NBR1: variants seen among roughly 807,000 people sequenced by gnomAD.
NBR1 encodes the protein NBR1 autophagy cargo receptor, also known as next to BRCA1 gene 1 protein.
NBR1 carries 59 observed loss-of-function variants against 115.5 expected under a neutral mutation model. The ratio of observed to expected loss-of-function variants is 0.51; its 90% CI spans 0.41 to 0.63. The LOEUF (loss-of-function observed/expected upper bound fraction) is 0.63. NBR1 is among the 30% of genes least tolerant of loss of function. NBR1 has a pLI of 0.00. For synonymous variants in NBR1, 373 were observed against 414.7 expected (o/e 0.90, Z 1.22); for missense variants, 1,043 against 1,150.5 (o/e 0.91, Z 1.35).
At chr17:43,174,070 T>A (rs11650132) in intron 1 of NBR1, among the ~76,000 whole-genome samples, 1 of 152,116 alleles carries the variant, frequency 6.6e-6, no homozygotes, top group African/African-American at 2.4e-5. Context: ...TAATGATATC[T>A]AGACTGTTTT....
chr17:43,196,719 T>C (rs182385394), intron 15 of NBR1, 128 bp downstream of exon 15: 1 of 875,986 alleles, frequency 1.1e-6, no homozygotes, highest in Admixed American at 2.7e-5. Flanking sequence ...ATCTCATGTT[T>C]TGAAGTCTCC....
chr17:43,190,931 G>A (rs1001274978), intron 9 of NBR1, among the ~76,000 whole-genome samples, 155 bp downstream of exon 9: 1 of 152,206 alleles, frequency 6.6e-6, no homozygotes, highest in African/African-American at 2.4e-5. Context: ...TAGTGAAATA[G>A]AAATAATAGC....
chr17:43,188,181 C>G (rs368615707), intron 6 of NBR1, among the ~76,000 whole-genome samples: 3 of 152,102 alleles, frequency 2.0e-5, no homozygotes, highest in Non-Finnish European at 4.4e-5. Context: ...TGAGCCACTG[C>G]GCCCGGCCTG....
chr17:43,194,354 C>A lies in NBR1; in HGVS notation c.1529C>A (p.Thr510Asn). The A allele has an allele frequency of 6.2e-7, 1 of 1,612,702 alleles. No homozygotes were observed. The highest frequency in any genetic ancestry group is 8.5e-7 in the Non-Finnish European group (1 of 1,179,302). ...TDDLTCQQEETFLLAKEERQL... is the reference protein window; with the variant it reads ...TDDLTCQQEENFLLAKEERQL... Reference sequence around the variant, plus strand: ...CTCAATGGTTTGTCTCTATAGGAAACTTTTCTTCTGGCTAAAGAAGAAAGA... The same window carrying A: ...CTCAATGGTTTGTCTCTATAGGAAAATTTTCTTCTGGCTAAAGAAGAAAGA... Residue 510 changes from threonine (T) to asparagine (N), a missense_variant, in exon 13 of 21, where the codon ACT (threonine) becomes AAT (asparagine). Coordinates refer to ENST00000590996, the MANE Select transcript of NBR1 (RefSeq NM_005899.5).
chr17:43,210,935 G>T lies in NBR1; in HGVS notation c.*861G>T. Reference sequence around the variant, plus strand: ...GGCAGATCTTATTTTACAGTACAGTGGGGGAAATAGAAACATGTGAAAGGC... The same window carrying T: ...GGCAGATCTTATTTTACAGTACAGTTGGGGAAATAGAAACATGTGAAAGGC... On this transcript the variant is annotated 3_prime_UTR_variant, in exon 21 of 21. Coordinates refer to ENST00000590996, the MANE Select transcript of NBR1 (RefSeq NM_005899.5). The T allele has an allele frequency of 2.6e-6, 1 of 381,144 alleles. No homozygotes were observed. Among genetic ancestry groups the T allele is most frequent in the East Asian group, 3.7e-5 (1 of 27,156 alleles). The allele number at this position is 381,144 out of a possible 1,614,324, so 23.6% of individuals were successfully genotyped here.
At chr17:43,196,131 A>C (rs34142696) in intron 14 of NBR1, 51,027 of 161,250 alleles carry the variant, frequency 0.32, 8,726 homozygotes, top group South Asian at 0.48. Flanking sequence ...AAAAAAAAAA[A>C]AAAAAGCAAT....
intron 17 of NBR1, 71 bp downstream of exon 17, chr17:43,200,679 C>G (rs952701601): frequency 1.9e-5 from 27 of 1,392,572 alleles, no homozygotes; most frequent in Non-Finnish European, 2.5e-5. Flanking sequence ...GACCTGATCT[C>G]AAAACCTGTT....
intron 6 of NBR1, among the ~76,000 whole-genome samples, chr17:43,187,502 CTTT>C (rs71160025): frequency 4.4e-5 from 3 of 68,864 alleles, no homozygotes; most frequent in South Asian, 5.9e-4. Context: ...TATTTCCTGA[CTTT>C]TTTTTTTTTT....
Position 43,197,068 on chromosome 17 carries a change from C to T in NBR1, c.1988C>T (p.Pro663Leu). The stretch of plus-strand genomic sequence containing the variant: ...CGATCCCTTACCTTGGATGCTGCCC[C>T]AGACCACAACCCTCCTTGCAGACAG... ...VIRSLTLDAA[P>L]DHNPPCRQKS... Residue 663 changes from proline to leucine, a missense_variant, in exon 16 of 21, where the codon CCA becomes CTA. Physicochemically the swap from Pro to Leu is moderately conservative, Grantham distance 98. Coordinates refer to ENST00000590996, the MANE Select transcript of NBR1 (RefSeq NM_005899.5). 6.2e-7 allele frequency: 1 copy of T among 1,614,020 alleles called. No individual in the cohort carries two copies. Among genetic ancestry groups the T allele is most frequent in the Non-Finnish European group, 8.5e-7 (1 of 1,179,906 alleles).
At chr17:43,181,340 C>G (rs1370473535) in intron 5 of NBR1, among the ~76,000 whole-genome samples, 1 of 152,224 alleles carries the variant, frequency 6.6e-6, no homozygotes, top group African/African-American at 2.4e-5. Context: ...AGTCCCATCT[C>G]TTTGCTGGTC....
At position 43,193,641 on chromosome 17, in the gene NBR1, G is replaced by T. The variant is rs772008058; in HGVS notation, c.1524+3G>T. 1 of 1,603,134 alleles carries T rather than the reference G, an allele frequency of 6.2e-7. No individual in the cohort carries two copies. The highest frequency in any genetic ancestry group is 8.5e-7 in the Non-Finnish European group (1 of 1,174,100). ...ATGATCTCACCTGCCAGCAAGAGGTGAGCATTGACTGACAGGCTTTGGCCT... is the reference window on the plus strand; with the variant it reads ...ATGATCTCACCTGCCAGCAAGAGGTTAGCATTGACTGACAGGCTTTGGCCT... On this transcript the variant is annotated splice_donor_region_variant and intron_variant, in intron 12 of 20. Transcript: ENST00000590996.
At chr17:43,196,778 C>T (rs1291855410) in intron 15 of NBR1, among the ~76,000 whole-genome samples, 164 bp from the exon 16 acceptor site, 1 of 152,112 alleles carries the variant, frequency 6.6e-6, no homozygotes, top group Non-Finnish European at 1.5e-5. Flanking sequence ...TTAGTTTTAG[C>T]ATGGGTAATG....
chr17:43,199,238 C>T (rs2057139634), intron 16 of NBR1, among the ~76,000 whole-genome samples: 1 of 151,922 alleles, frequency 6.6e-6, no homozygotes, highest in Non-Finnish European at 1.5e-5. Context: ...CCACAATGAG[C>T]TAAATTTTTT....
Position 43,189,199 on chromosome 17 carries a change from G to C in NBR1, c.480+80G>C, listed in dbSNP as rs544210812. ...TGGAAGAAATAGAAAACTGAACCCA[G>C]GTGGCTGCTGCCTCTAGTACCGGTG... On this transcript the variant is annotated intron_variant, in intron 7 of 20. Transcript: ENST00000590996. The C allele has an allele frequency of 4.7e-5, 48 of 1,020,018 alleles. No individual in the cohort carries two copies. In the South Asian group the frequency reaches 5.9e-4, roughly 13 times the overall value. 63.2% of individuals were successfully genotyped at this position (1,020,018 alleles called of 1,614,324 possible).
intron 20 of NBR1, 121 bp from the exon 21 acceptor site, chr17:43,209,780 T>G (rs2057382968): frequency 6.8e-6 from 10 of 1,471,006 alleles, no homozygotes; most frequent in Admixed American, 2.6e-5. Context: ...TCTAATTACC[T>G]AGTACTTTGA....
rs532094208 is a variant in NBR1, at chr17:43,191,484, C to A, written c.976C>A (p.His326Asn). 3.1e-6 allele frequency: 5 copies of A among 1,613,206 alleles called. No homozygotes were observed. In the South Asian group the frequency reaches 5.5e-5, roughly 18 times the overall value. Residue 326 changes from histidine (H) to asparagine (N), a missense_variant, in exon 10 of 21, where the codon CAT (histidine) becomes AAT (asparagine). His to Asn is a moderately conservative substitution (Grantham distance 68). Coordinates refer to ENST00000590996, the MANE Select transcript of NBR1 (RefSeq NM_005899.5). ...GGAACTTAAAAAGCAGCTTAAACTC[C>A]ATAGGAAAATTCACCTGTGGAATTC... ...VKELKKQLKL[H>N]RKIHLWNSIH...
chr17:43,180,813 T>G lies in NBR1; in HGVS notation c.203T>G (p.Leu68Arg), dbSNP rs1300564110. Residue 68 changes from leucine (L) to arginine (R), a missense_variant, in exon 5 of 21, where the codon CTT becomes CGT. Transcript: ENST00000590996. Reference protein sequence around the residue: ...INSQGEYEEALKMAVKQGNQL... With the variant: ...INSQGEYEEARKMAVKQGNQL... ...CTTTTAGGAGAATATGAAGAAGCGCTTAAGGTAATGATTATTTAATCTCAT... is the reference window on the plus strand; with the variant it reads ...CTTTTAGGAGAATATGAAGAAGCGCGTAAGGTAATGATTATTTAATCTCAT... 6.9e-7 allele frequency: 1 copy of G among 1,451,626 alleles called. No individual in the cohort carries two copies. The highest frequency in any genetic ancestry group is 9.1e-7 in the Non-Finnish European group (1 of 1,095,024). 89.9% of individuals were successfully genotyped at this position (1,451,626 alleles called of 1,614,324 possible).
At position 43,211,582 on chromosome 17, in the gene NBR1, GT is replaced by G. The variant is rs919957616; in HGVS notation, c.*1512del. 15 of 152,534 alleles carry G rather than the reference GT, an allele frequency of 9.8e-5. No homozygotes were observed. The highest frequency in any genetic ancestry group is 3.6e-4 in the African/African-American group (15 of 41,568). The allele number at this position is 152,534 out of a possible 1,614,324, so 9.4% of individuals were successfully genotyped here. A position where few individuals can be genotyped will look rare whatever the true frequency, so the allele number is the denominator to read the frequency against. On this transcript the variant is annotated 3_prime_UTR_variant, in exon 21 of 21. Transcript: ENST00000590996. ...GGTGGGACCTGTCTTGACCATCGGAGTTTTATAATCGAGGGCCAGGAGGGCC... is the reference window on the plus strand; with the variant it reads ...GGTGGGACCTGTCTTGACCATCGGAGTTTATAATCGAGGGCCAGGAGGGCC...
chr17:43,178,145 C>A, intron 3 of NBR1, 147 bp downstream of exon 3: 1 of 952,360 alleles, frequency 1.1e-6, no homozygotes, highest in Admixed American at 2.5e-5. Context: ...TCTAAGAAGA[C>A]TTGCAGCATC....
Sources: allele counts gnomAD v4.1 joint callset (sites outside exome capture counted in the v4.1 genomes callset), GRCh38; gene constraint gnomAD v4.1.1; transcripts MANE v1.5; gene names NCBI Gene and HGNC (gene_info 2026-07-23, HGNC 2026-07-21).